Variants in AP1G1 observed in about 807,000 individuals in gnomAD.
AP1G1 encodes the protein AP-1 complex subunit gamma-1.
In AP1G1, 7 loss-of-function variants were observed where a neutral mutation model predicts 108.3. The observed-to-expected ratio is 0.06, with a 90% CI of 0.04 to 0.12. AP1G1 has a LOEUF of 0.12. AP1G1 is among the 10% of genes least tolerant of loss of function. AP1G1 has a pLI of 1.00. For synonymous variants in AP1G1, 379 were observed against 353.5 expected (o/e 1.07, Z -0.81); for missense variants, 756 against 1,010.7 (o/e 0.75, Z 3.42).
At chr16:71,769,769 G>T (rs918650559) in intron 5 of AP1G1, 70 bp from the exon 6 acceptor site, 259 of 1,270,212 alleles carry the variant, frequency 2.0e-4, no homozygotes, top group Admixed American at 7.3e-5. Context: ...AGGACTTTGA[G>T]TTCCTGAAGG....
rs1192960646 is a variant in AP1G1 at position 71,729,822 on chromosome 16, T to A, written c.*3236A>T. The A allele has an allele frequency of 2.0e-5, 3 of 152,586 alleles. No homozygotes were observed. The highest frequency in any genetic ancestry group is 4.4e-5 in the Non-Finnish European group (3 of 68,032). The allele number at this position is 152,586 out of a possible 1,614,324, so 9.5% of individuals were successfully genotyped here. A position where few individuals can be genotyped will look rare whatever the true frequency, so the allele number is the denominator to read the frequency against. ...TTTTCTCAGTTTAGGACACTGTGGTTAAAATACATTCACTAGAAAAAAATA... is the reference window on the plus strand; with the variant it reads ...TTTTCTCAGTTTAGGACACTGTGGTAAAAATACATTCACTAGAAAAAAATA... On this transcript the variant is annotated 3_prime_UTR_variant, in exon 23 of 23. Coordinates refer to ENST00000299980, the MANE Select transcript of AP1G1 (RefSeq NM_001128.6).
At chr16:71,801,256 G>A (rs949422534) in intron 1 of AP1G1, among the ~76,000 whole-genome samples, 5 of 151,500 alleles carry the variant, frequency 3.3e-5, no homozygotes, top group Non-Finnish European at 7.4e-5. Context: ...CCACCACCTG[G>A]GTGACAGGGT....
chr16:71,764,319 G>A (rs756389780), intron 9 of AP1G1, 31 bp downstream of exon 9: 1 of 1,349,412 alleles, frequency 7.4e-7, no homozygotes, highest in South Asian at 1.3e-5. Context: ...GAAACATTTA[G>A]GGGGGGAAGA....
At chr16:71,798,209 C>G (rs1471148040) in intron 1 of AP1G1, among the ~76,000 whole-genome samples, 1 of 150,864 alleles carries the variant, frequency 6.6e-6, no homozygotes, top group Non-Finnish European at 1.5e-5. Flanking sequence ...ACTTTAGAGG[C>G]CAAGGTGGGA....
chr16:71,776,759 C>G (rs1369287896), intron 2 of AP1G1, among the ~76,000 whole-genome samples: 1 of 151,964 alleles, frequency 6.6e-6, no homozygotes, highest in Non-Finnish European at 1.5e-5. Context: ...GTTTTAGGGT[C>G]AAGTGTGGTT....
chr16:71,803,240 G>T lies in AP1G1; in HGVS notation c.-4+5523C>A, dbSNP rs536583065. ...AAAAGAATAAATAAATAAATAATAA[G>T]ATGTTTTTATTTATAAATTACAAAA... On this transcript the variant is annotated intron_variant, in intron 1 of 22. Coordinates refer to ENST00000299980, the MANE Select transcript of AP1G1 (RefSeq NM_001128.6). Among the ~76,000 whole-genome samples the T allele has an allele frequency of 5.9e-5, 9 of 151,898 alleles. No homozygotes were observed. In the South Asian group the frequency reaches 1.9e-3, roughly 32 times the overall value.
At position 71,748,305 on chromosome 16, in the gene AP1G1, C is replaced by G. The variant is rs773774894; in HGVS notation, c.1571G>C (p.Gly524Ala). The G allele has an allele frequency of 2.5e-6, 4 of 1,613,918 alleles. No homozygotes were observed. Among genetic ancestry groups the G allele is most frequent in the Non-Finnish European group, 3.4e-6 (4 of 1,179,882 alleles). Residue 524 changes from glycine to alanine, a missense_variant, in exon 16 of 23, where the codon GGT (glycine) becomes GCT (alanine). Physicochemically the swap from Gly to Ala is moderately conservative, Grantham distance 60. Around this residue, in one of 3 missense-constraint regions of AP1G1, gnomAD observed 357 missense variants for 366.5 expected, o/e 0.97. Transcript: ENST00000299980. Reference protein sequence around the residue: ...ISNMSTSVTRGYALTAIMKLS... With the variant: ...ISNMSTSVTRAYALTAIMKLS... ...CTTCATAATGGCAGTGAGGGCATAA[C>G]CTCGTGTCACAGAGGTGGACATATT...
intron 12 of AP1G1, among the ~76,000 whole-genome samples, chr16:71,755,208 T>A (rs932244092): frequency 6.6e-6 from 1 of 152,016 alleles, no homozygotes; most frequent in Non-Finnish European, 1.5e-5. Flanking sequence ...GGCGAATCGC[T>A]TGAGTCCAGG....
intron 2 of AP1G1, among the ~76,000 whole-genome samples, chr16:71,788,229 T>C (rs954629318): frequency 6.6e-6 from 1 of 152,214 alleles, no homozygotes; most frequent in Non-Finnish European, 1.5e-5. Flanking sequence ...TTCCTGATAG[T>C]GTTGCACATT....
At chr16:71,746,222 G>C (rs1281222369) in intron 17 of AP1G1, among the ~76,000 whole-genome samples, 1 of 152,174 alleles carries the variant, frequency 6.6e-6, no homozygotes, top group Non-Finnish European at 1.5e-5. Context: ...ATGTTGGCCA[G>C]GATGGTCTCG....
chr16:71,797,798 CAA>C (rs906812076), intron 1 of AP1G1, among the ~76,000 whole-genome samples: 1 of 144,676 alleles, frequency 6.9e-6, no homozygotes, highest in African/African-American at 2.5e-5. Context: ...GACGCAGTCT[CAA>C]AAAAAAAAAG....
intron 2 of AP1G1, among the ~76,000 whole-genome samples, chr16:71,782,589 C>T (rs1365722407): frequency 6.6e-6 from 1 of 151,854 alleles, no homozygotes; most frequent in African/African-American, 2.4e-5. Context: ...CGGGTTCAAG[C>T]GATTCTCCTG....
chr16:71,757,264 A>G (rs2030845908), intron 11 of AP1G1, among the ~76,000 whole-genome samples: 1 of 152,132 alleles, frequency 6.6e-6, no homozygotes, highest in African/African-American at 2.4e-5. Flanking sequence ...CAACCTAGCC[A>G]ATACGGCAAA....
chr16:71,766,010 G>A (rs182387129), intron 6 of AP1G1, among the ~76,000 whole-genome samples: 132 of 152,192 alleles, frequency 8.7e-4, no homozygotes, highest in Non-Finnish European at 1.4e-3. Flanking sequence ...AATACAACTA[G>A]TGATCTTATT....
At chr16:71,802,404 C>G (rs923796985) in intron 1 of AP1G1, among the ~76,000 whole-genome samples, 4 of 152,070 alleles carry the variant, frequency 2.6e-5, no homozygotes, top group Admixed American at 6.6e-5. Flanking sequence ...GCAGCTAAGG[C>G]TACTGGCAAA....
rs1257844595 is a variant in AP1G1, at chr16:71,760,142, T to C, written c.975-1221A>G. On this transcript the variant is annotated intron_variant, in intron 10 of 22. Transcript: ENST00000299980. ...CACCTTAGCCTGCCAAAGTGCTGGATTACAGGTGTGAGCCACCACGCCCGG... is the reference window on the plus strand; with the variant it reads ...CACCTTAGCCTGCCAAAGTGCTGGACTACAGGTGTGAGCCACCACGCCCGG... Among the ~76,000 whole-genome samples, 4 of 152,086 alleles carry C rather than the reference T, an allele frequency of 2.6e-5. No individual in the cohort carries two copies. In the East Asian group the frequency reaches 7.7e-4, roughly 29 times the overall value.
intron 21 of AP1G1, among the ~76,000 whole-genome samples, chr16:71,735,746 C>T (rs1036635781): frequency 6.6e-6 from 1 of 151,866 alleles, no homozygotes; most frequent in African/African-American, 2.4e-5. Context: ...GAAAATCTTT[C>T]CTAAAAGTAG....
chr16:71,738,823 G>T, intron 21 of AP1G1, 119 bp downstream of exon 21: 3 of 918,338 alleles, frequency 3.3e-6, no homozygotes, highest in Middle Eastern at 2.9e-4. Flanking sequence ...TTGTTAGTTT[G>T]AATTAAGTCT....
intron 13 of AP1G1, 114 bp from the exon 14 acceptor site, chr16:71,750,446 G>A (rs1028587624): frequency 1.5e-5 from 19 of 1,279,380 alleles, no homozygotes; most frequent in African/African-American, 1.0e-4. Flanking sequence ...ACAGAGTCTC[G>A]CTCTGTCACC....
Sources: gnomAD v4.1 joint callset for allele counts (sites outside exome capture counted in the v4.1 genomes callset) on GRCh38, gnomAD v4.1.1 for gene constraint, gnomAD v4.1.1 regional missense constraint, MANE v1.5 for transcripts, NCBI Gene and HGNC (gene_info 2026-07-23, HGNC 2026-07-21) for gene names.